Variants in GARRE1 observed in about 807,000 individuals in gnomAD.
GARRE1 encodes the protein granule associated Rac and RHOG effector protein 1.
GARRE1 carries 49 observed loss-of-function variants against 103.2 expected under a neutral mutation model. The observed-to-expected ratio is 0.47, with a 90% CI of 0.38 to 0.60. The LOEUF is 0.60. Ranked by LOEUF, GARRE1 falls within the 20% of genes least tolerant of loss-of-function variation. The pLI is 0.00. For synonymous variants in GARRE1, 505 were observed against 532.8 expected, an observed-to-expected ratio of 0.95 and a Z score of 0.72; for missense variants, 1,199 against 1,370.5, an observed-to-expected ratio of 0.87 and a Z score of 1.98.
At chr19:34,334,306 A>AT (rs902242533) in intron 8 of GARRE1, among the ~76,000 whole-genome samples, 14 of 151,708 alleles carry the variant, frequency 9.2e-5, no homozygotes, top group South Asian at 2.1e-4. Flanking sequence ...TTCTTAATTT[A>AT]TTTTTTTTTA....
intron 6 of GARRE1, 63 bp downstream of exon 6, chr19:34,328,214 T>C: frequency 6.4e-7 from 1 of 1,557,110 alleles, no homozygotes; most frequent in South Asian, 1.1e-5. Context: ...TTAAGAGAAA[T>C]GTAAAGGCTT....
intron 2 of GARRE1, among the ~76,000 whole-genome samples, chr19:34,309,070 C>G (rs1306812498): frequency 1.6e-5 from 2 of 127,246 alleles, no homozygotes; most frequent in Non-Finnish European, 3.9e-5. Flanking sequence ...TTCTACTTCT[C>G]CCTCTTTAAA....
intron 3 of GARRE1, among the ~76,000 whole-genome samples, chr19:34,322,784 C>T (rs1490623624): frequency 2.0e-5 from 3 of 151,610 alleles, no homozygotes; most frequent in Non-Finnish European, 4.4e-5. Flanking sequence ...GATGGGGTTT[C>T]GCCATGTTGG....
In GARRE1 at chr19:34,341,945, C is replaced by T; in HGVS notation, c.2011C>T (p.His671Tyr). The T allele has an allele frequency of 1.2e-6, 2 of 1,614,166 alleles. No individual in the cohort carries two copies. Among genetic ancestry groups the T allele is most frequent in the Non-Finnish European group, 1.7e-6 (2 of 1,180,016 alleles). ...SHQGSPLVTRHNSAATAMVTE... is the reference protein window; with the variant it reads ...SHQGSPLVTRYNSAATAMVTE... ...TCAGGGCTCTCCGTTGGTGACAAGG[C>T]ATAATTCTGCTGCCACAGCCATGGT... Residue 671 changes from histidine (H) to tyrosine (Y), a missense_variant, in exon 10 of 14, where the codon CAT (histidine) becomes TAT (tyrosine). Physicochemically the swap from His to Tyr is moderately conservative, Grantham distance 83 (BLOSUM62 2). Coordinates refer to ENST00000299505, the MANE Select transcript of GARRE1 (RefSeq NM_014686.5).
chr19:34,324,259 CT>C (rs891369868), intron 3 of GARRE1, among the ~76,000 whole-genome samples: 1 of 152,168 alleles, frequency 6.6e-6, no homozygotes, highest in African/African-American at 2.4e-5. Flanking sequence ...AGTTGTCTAC[CT>C]TTTTTTCACC....
At chr19:34,305,591 G>A (rs2074004113) in intron 2 of GARRE1, among the ~76,000 whole-genome samples, 1 of 152,226 alleles carries the variant, frequency 6.6e-6, no homozygotes, top group Non-Finnish European at 1.5e-5. Context: ...GACCTGCAGG[G>A]CCCTTTGCTT....
At chr19:34,304,051 C>T (rs1259228746) in intron 2 of GARRE1, among the ~76,000 whole-genome samples, 1 of 151,756 alleles carries the variant, frequency 6.6e-6, no homozygotes, top group East Asian at 1.9e-4. Flanking sequence ...AGTGTATAGT[C>T]ACTTCCTTGG....
At chr19:34,334,705 A>AG (rs1221638183) in intron 8 of GARRE1, among the ~76,000 whole-genome samples, 3 of 151,560 alleles carry the variant, frequency 2.0e-5, no homozygotes, top group Non-Finnish European at 4.4e-5. Flanking sequence ...TCAAAAAAAA[A>AG]AAAAAAGAAA....
At position 34,318,036 on chromosome 19, in the gene GARRE1, GGTT is replaced by G. The variant is rs200776273; in HGVS notation, c.496-1864_496-1862del. Reference sequence around the variant, plus strand: ...TTGGGGGGCTTCAGCCTGTGATGTCGGTTGTTGTTCCCTCTGGAGGGCAAGTGC... The same window carrying G: ...TTGGGGGGCTTCAGCCTGTGATGTCGGTTGTTCCCTCTGGAGGGCAAGTGC... On this transcript the variant is annotated intron_variant, in intron 2 of 13. Coordinates refer to ENST00000299505, the MANE Select transcript of GARRE1 (RefSeq NM_014686.5). Among the ~76,000 whole-genome samples the G allele has an allele frequency of 1.2e-3, 184 of 152,318 alleles. 7 individuals carry two copies. In the East Asian group the frequency reaches 0.027, roughly 23 times the overall value.
chr19:34,310,453 A>G (rs2074031103), intron 2 of GARRE1, among the ~76,000 whole-genome samples: 1 of 152,224 alleles, frequency 6.6e-6, no homozygotes, highest in Non-Finnish European at 1.5e-5. Context: ...CTGTGAGAAC[A>G]GGCTGTCTTG....
intron 1 of GARRE1, among the ~76,000 whole-genome samples, chr19:34,298,307 C>T (rs112146155): frequency 1.3e-5 from 2 of 151,616 alleles, no homozygotes; most frequent in African/African-American, 4.8e-5. Context: ...CCAGCTGCTC[C>T]GGAGACTGAG....
intron 1 of GARRE1, among the ~76,000 whole-genome samples, chr19:34,292,003 C>CA (rs1211555579): frequency 6.6e-6 from 1 of 152,076 alleles, no homozygotes; most frequent in Non-Finnish European, 1.5e-5. Flanking sequence ...GGATTACAGG[C>CA]ATGTGCCACC....
chr19:34,323,224 G>T (rs995076127), intron 3 of GARRE1, among the ~76,000 whole-genome samples: 1 of 151,226 alleles, frequency 6.6e-6, no homozygotes, highest in African/African-American at 2.4e-5. Context: ...GTAGAGACAG[G>T]GTTTCACTGT....
intron 1 of GARRE1, among the ~76,000 whole-genome samples, chr19:34,274,484 G>A (rs1469566257): frequency 1.3e-5 from 2 of 152,212 alleles, no homozygotes; most frequent in Non-Finnish European, 2.9e-5. Flanking sequence ...CCAGGTTTCT[G>A]CCTTGTTCAA....
At position 34,349,073 on chromosome 19, in the gene GARRE1, TGAGA is replaced by T; in HGVS notation, c.2746_2749del (p.Glu916HisfsTer50). The T allele has an allele frequency of 6.2e-7, 1 of 1,612,856 alleles. No homozygotes were observed. The highest frequency in any genetic ancestry group is 8.5e-7 in the Non-Finnish European group (1 of 1,180,006). On this transcript the variant is annotated frameshift_variant, in exon 12 of 14. Transcript: ENST00000299505. LOFTEE classifies it high-confidence loss of function. ...AGGGAGACTCTGCCAGCTCGAGTGA[TGAGA>T]CATCCTCAGCCAACGGGGACAGCTT...
At chr19:34,292,414 T>G (rs1322709155) in intron 1 of GARRE1, among the ~76,000 whole-genome samples, 1 of 152,262 alleles carries the variant, frequency 6.6e-6, no homozygotes, top group Non-Finnish European at 1.5e-5. Context: ...TTGACTATTA[T>G]GAATAATGCT....
At chr19:34,293,383 T>A (rs2073928432) in intron 1 of GARRE1, among the ~76,000 whole-genome samples, 1 of 149,194 alleles carries the variant, frequency 6.7e-6, no homozygotes, top group Non-Finnish European at 1.5e-5. Context: ...ATTCACCAGA[T>A]GTAATTGTTC....
At chr19:34,306,335 C>G (rs1316002162) in intron 2 of GARRE1, among the ~76,000 whole-genome samples, 18 of 152,212 alleles carry the variant, frequency 1.2e-4, no homozygotes, top group Non-Finnish European at 1.5e-5. Flanking sequence ...AGAGTTAGGA[C>G]AAAGGATGAT....
chr19:34,293,746 ATTTCTTTTTTTTTTTTT>A (rs2073931412), intron 1 of GARRE1, among the ~76,000 whole-genome samples: 1 of 94,494 alleles, frequency 1.1e-5, no homozygotes, highest in South Asian at 3.6e-4. Context: ...ACACACACAT[ATTTCTTTTTTTTTTTTT>A]TTTTTTTTTT....
Sources: gnomAD v4.1 joint callset for allele counts (sites outside exome capture counted in the v4.1 genomes callset) on GRCh38, gnomAD v4.1.1 for gene constraint, MANE v1.5 for transcripts, NCBI Gene and HGNC (gene_info 2026-07-23, HGNC 2026-07-21) for gene names.